Variants in ACYP2 observed in about 807,000 individuals in gnomAD.
The protein encoded by ACYP2 is acylphosphatase 2, also known as acylphosphatase-2.
Under a neutral mutation model 11.2 loss-of-function variants are expected in ACYP2, and 12 were observed. The observed-to-expected ratio is 1.08, with a 90% CI of 0.69 to 1.74. The LOEUF (loss-of-function observed/expected upper bound fraction) is 1.74. ACYP2 is among the 40% of genes most tolerant of loss of function. The probability of loss-of-function intolerance (pLI) is 0.00; values close to 1 mark genes in which losing one functional copy is unlikely to be tolerated. For synonymous variants in ACYP2, 43 were observed against 32.2 expected (o/e 1.33, Z -1.13); for missense variants, 134 against 101.9 (o/e 1.31, Z -1.35).
At chr2:54,152,281 T>A (rs1682216378) in intron 6 of ACYP2, among the ~76,000 whole-genome samples, 1 of 151,928 alleles carries the variant, frequency 6.6e-6, no homozygotes, top group Non-Finnish European at 1.5e-5. Flanking sequence ...GATGCTCAGC[T>A]AATTTTTTTA....
At chr2:54,243,811 G>C (rs562224443) in intron 6 of ACYP2, among the ~76,000 whole-genome samples, 199 of 152,224 alleles carry the variant, frequency 1.3e-3, no homozygotes, top group Middle Eastern at 6.8e-3. Context: ...CTGGCCTCAA[G>C]TGATCTGCCT....
chr2:54,198,533 A>C (rs1684614191), intron 6 of ACYP2, among the ~76,000 whole-genome samples: 1 of 150,438 alleles, frequency 6.6e-6, no homozygotes, highest in Non-Finnish European at 1.5e-5. Context: ...AAACTATAAA[A>C]CTTTTTGTTT....
At chr2:54,194,811 G>C (rs1684388607) in intron 6 of ACYP2, among the ~76,000 whole-genome samples, 1 of 152,062 alleles carries the variant, frequency 6.6e-6, no homozygotes, top group Non-Finnish European at 1.5e-5. Flanking sequence ...CTTCTTTTAT[G>C]AACCTTTATA....
chr2:54,036,606 T>G (rs1323435274), intron 2 of ACYP2, among the ~76,000 whole-genome samples: 1 of 152,178 alleles, frequency 6.6e-6, no homozygotes, highest in Non-Finnish European at 1.5e-5. Context: ...CACCTTGAAG[T>G]TTCTGTCCCC....
intron 6 of ACYP2, among the ~76,000 whole-genome samples, chr2:54,275,569 ATCT>A (rs1010916011): frequency 3.3e-5 from 5 of 152,184 alleles, no homozygotes; most frequent in Non-Finnish European, 7.4e-5. Context: ...GAATGGGGAA[ATCT>A]TCTAGTGTTT....
At chr2:54,014,288 G>A (rs1228644622) in intron 2 of ACYP2, among the ~76,000 whole-genome samples, 6 of 151,910 alleles carry the variant, frequency 3.9e-5, no homozygotes, top group Non-Finnish European at 1.5e-5. Flanking sequence ...GTGGGGCTAG[G>A]GTCAGGATTA....
intron 6 of ACYP2, among the ~76,000 whole-genome samples, chr2:54,202,493 T>C (rs894538182): frequency 7.4e-4 from 108 of 145,938 alleles, no homozygotes; most frequent in Admixed American, 6.2e-4. Context: ...CTGCAACCTC[T>C]GCCTCCCGGG....
At chr2:54,283,103 A>T (rs1688916602) in intron 6 of ACYP2, among the ~76,000 whole-genome samples, 1 of 152,204 alleles carries the variant, frequency 6.6e-6, no homozygotes. Flanking sequence ...GTGATTTATG[A>T]CACATTTTGG....
intron 6 of ACYP2, among the ~76,000 whole-genome samples, chr2:54,161,682 C>A (rs1459583210): frequency 6.6e-6 from 1 of 152,134 alleles, no homozygotes; most frequent in Non-Finnish European, 1.5e-5. Context: ...AAATAGGTTA[C>A]AGACATTATG....
At chr2:53,977,844 C>T (rs1385824700) in intron 2 of ACYP2, among the ~76,000 whole-genome samples, 1 of 151,946 alleles carries the variant, frequency 6.6e-6, no homozygotes, top group Non-Finnish European at 1.5e-5. Flanking sequence ...TTCCTTTCCT[C>T]TGTTTCTGGC....
intron 6 of ACYP2, among the ~76,000 whole-genome samples, chr2:54,251,762 T>TA (rs1416948147): frequency 6.6e-6 from 1 of 152,190 alleles, no homozygotes; most frequent in Non-Finnish European, 1.5e-5. Context: ...TTATGTCCCT[T>TA]AGAGAGCAAA....
chr2:54,133,834 T>C (rs1188788075), intron 4 of ACYP2, among the ~76,000 whole-genome samples: 1 of 152,138 alleles, frequency 6.6e-6, no homozygotes, highest in Non-Finnish European at 1.5e-5. Context: ...TCACCCCCAC[T>C]CTAGGGCCCA....
chr2:54,086,824 C>T (rs1043919044), intron 4 of ACYP2, among the ~76,000 whole-genome samples: 33 of 152,220 alleles, frequency 2.2e-4, no homozygotes, highest in Admixed American at 3.3e-4. Flanking sequence ...TGTTTGGAGA[C>T]ACTGCATATT....
chr2:54,208,652 C>G (rs1685197140), intron 6 of ACYP2, among the ~76,000 whole-genome samples: 1 of 151,240 alleles, frequency 6.6e-6, no homozygotes, highest in Admixed American at 6.6e-5. Context: ...TCACTTAAGT[C>G]ATTAGACAGC....
At chr2:54,207,453 A>G (rs1487408091) in intron 6 of ACYP2, among the ~76,000 whole-genome samples, 1 of 152,068 alleles carries the variant, frequency 6.6e-6, no homozygotes, top group Non-Finnish European at 1.5e-5. Context: ...ATGGAGGGTA[A>G]TTTGCTTTAC....
At chr2:54,068,262 T>G (rs1676846716) in intron 4 of ACYP2, among the ~76,000 whole-genome samples, 1 of 152,202 alleles carries the variant, frequency 6.6e-6, no homozygotes. Context: ...TACGCACTCT[T>G]TAGTATATCT....
At chr2:54,078,553 T>C (rs568736178) in intron 4 of ACYP2, among the ~76,000 whole-genome samples, 14 of 152,068 alleles carry the variant, frequency 9.2e-5, no homozygotes, top group Non-Finnish European at 1.9e-4. Flanking sequence ...TTTATTTCAG[T>C]TATTTAAACA....
At chr2:54,259,862 G>A (rs981896579) in intron 6 of ACYP2, among the ~76,000 whole-genome samples, 1 of 152,200 alleles carries the variant, frequency 6.6e-6, no homozygotes, top group African/African-American at 2.4e-5. Context: ...TGAAAACAGC[G>A]AGTATATACA....
At chr2:54,181,976 T>C (rs1248942420) in intron 6 of ACYP2, among the ~76,000 whole-genome samples, 1 of 151,970 alleles carries the variant, frequency 6.6e-6, no homozygotes, top group Non-Finnish European at 1.5e-5. Flanking sequence ...TATATACTTA[T>C]TTATGTGTCA....
Sources: gnomAD v4.1 joint callset for allele counts (sites outside exome capture counted in the v4.1 genomes callset) on GRCh38, gnomAD v4.1.1 for gene constraint, MANE v1.5 for transcripts, NCBI Gene and HGNC (gene_info 2026-07-23, HGNC 2026-07-21) for gene names.